UGT1A5: variants seen among roughly 807,000 people sequenced by gnomAD.
UGT1A5 encodes UDP-glucuronosyltransferase 1A5.
In UGT1A5, 29 loss-of-function variants were observed where a neutral mutation model predicts 40.3. That is an observed-to-expected ratio of 0.72 (90% confidence interval 0.54 to 0.98). The LOEUF (loss-of-function observed/expected upper bound fraction) is 0.98, where lower values mean the gene tolerates loss of function less well. Among genes scored for constraint, UGT1A5 ranks in the 50% least tolerant of loss-of-function variants. The pLI, the probability that UGT1A5 is intolerant of heterozygous loss-of-function variation, is 0.00. For synonymous variants in UGT1A5, 257 were observed against 262.5 expected, an observed-to-expected ratio of 0.98 and a Z score of 0.20; for missense variants, 678 against 677.9, an observed-to-expected ratio of 1.00 and a Z score of 0.00.
intron 1 of UGT1A5, among the ~76,000 whole-genome samples, chr2:233,727,549 C>T (rs1232390825): frequency 6.6e-6 from 1 of 152,198 alleles, no homozygotes; most frequent in Non-Finnish European, 1.5e-5. Context: ...CACCCGTCAC[C>T]TGGGCTCATC....
At chr2:233,729,785 T>C (rs767360644) in intron 1 of UGT1A5, 1 of 1,614,014 alleles carries the variant, frequency 6.2e-7, no homozygotes, top group Non-Finnish European at 8.5e-7. Flanking sequence ...CCTCTGGCCC[T>C]GTCCTACATT....
chr2:233,766,580 G>A (rs1699191238), intron 1 of UGT1A5, among the ~76,000 whole-genome samples: 1 of 152,180 alleles, frequency 6.6e-6, no homozygotes, highest in Admixed American at 6.5e-5. Context: ...AGGTCTGGGG[G>A]TGGAGCCCTC....
chr2:233,750,234 G>T (rs928737676), intron 1 of UGT1A5, among the ~76,000 whole-genome samples: 6 of 151,846 alleles, frequency 4.0e-5, no homozygotes, highest in African/African-American at 1.5e-4. Flanking sequence ...GGAACTTATT[G>T]GGAACTGGAA....
At chr2:233,720,203 G>C (rs1171500164) in intron 1 of UGT1A5, among the ~76,000 whole-genome samples, 1 of 152,178 alleles carries the variant, frequency 6.6e-6, no homozygotes, top group Non-Finnish European at 1.5e-5. Context: ...GGGCTGTGAA[G>C]GTGGGATGGA....
chr2:233,744,039 G>T, intron 1 of UGT1A5: 2 of 770,652 alleles, frequency 2.6e-6, no homozygotes, highest in Non-Finnish European at 3.6e-6. Context: ...TTATGACGCA[G>T]CCACATCTCA....
At chr2:233,719,370 G>A (rs1322563155) in intron 1 of UGT1A5, 5 of 1,613,830 alleles carry the variant, frequency 3.1e-6, no homozygotes, top group Non-Finnish European at 3.4e-6. Flanking sequence ...AGACTTTAAG[G>A]GCACACAGTG....
intron 1 of UGT1A5, among the ~76,000 whole-genome samples, chr2:233,759,532 G>GTTC (rs994787528): frequency 5.4e-4 from 82 of 152,192 alleles, no homozygotes; most frequent in African/African-American, 1.9e-3. Flanking sequence ...GAAGACTTCT[G>GTTC]TTCACATGCG....
chr2:233,752,593 T>C (rs896301003), intron 1 of UGT1A5: 3 of 152,046 alleles, frequency 2.0e-5, no homozygotes, highest in African/African-American at 7.2e-5. Flanking sequence ...CTCTACAAGA[T>C]TTTTTTTAAA....
chr2:233,727,966 G>A (rs1025938754), intron 1 of UGT1A5, among the ~76,000 whole-genome samples: 37 of 152,228 alleles, frequency 2.4e-4, no homozygotes, highest in African/African-American at 8.2e-4. Context: ...TCATCCTGAG[G>A]TGACCAGGAC....
Position 233,768,377 on chromosome 2 carries a change from T to A in UGT1A5, c.1245T>A (p.Asn415Lys), listed in dbSNP as rs763012065. The change falls in exon 4 of 5, where the codon AAT (asparagine) becomes AAA (lysine). Residue 415 changes from asparagine (N) to lysine (K), a missense_variant. Asn to Lys is a moderately conservative substitution (Grantham distance 94). Transcript: ENST00000373414. The part of the protein sequence containing the change: ...METKGAGVTL[N>K]VLEMTSEDLE... ...CTAAGGGAGCTGGAGTGACCCTGAA[T>A]GTTCTGGAAATGACTTCTGAAGATT... 1 of 1,614,172 alleles carries A rather than the reference T, an allele frequency of 6.2e-7. No individual in the cohort carries two copies. The highest frequency in any genetic ancestry group is 8.5e-7 in the Non-Finnish European group (1 of 1,180,050).
intron 1 of UGT1A5, chr2:233,742,938 A>G: frequency 4.7e-6 from 1 of 214,112 alleles, no homozygotes; most frequent in Admixed American, 5.3e-5. Context: ...ATTCTGTCCT[A>G]CCACTAGCAA....
chr2:233,725,049 TGGCGGCGCGCGCCTG>T (rs1559369977), intron 1 of UGT1A5, among the ~76,000 whole-genome samples: 1 of 147,424 alleles, frequency 6.8e-6, no homozygotes, highest in Non-Finnish European at 1.5e-5. Flanking sequence ...CAGTCAGGCG[TGGCGGCGCGCGCCTG>T]CAATCGCAGG....
chr2:233,726,251 G>A (rs1242406933), intron 1 of UGT1A5, among the ~76,000 whole-genome samples: 1 of 152,170 alleles, frequency 6.6e-6, no homozygotes, highest in African/African-American at 2.4e-5. Flanking sequence ...TGAAAAGCTG[G>A]GTGCAGTGGC....
At chr2:233,731,359 A>G (rs2078149638) in intron 1 of UGT1A5, among the ~76,000 whole-genome samples, 1 of 151,208 alleles carries the variant, frequency 6.6e-6, no homozygotes, top group Admixed American at 6.6e-5. Context: ...ATAGGTATAC[A>G]TGTGCCATGT....
intron 1 of UGT1A5, among the ~76,000 whole-genome samples, chr2:233,727,971 C>G (rs1256650182): frequency 6.6e-6 from 1 of 152,196 alleles, no homozygotes; most frequent in Non-Finnish European, 1.5e-5. Context: ...CTGAGGTGAC[C>G]AGGACAAGGT....
intron 1 of UGT1A5, among the ~76,000 whole-genome samples, chr2:233,734,811 T>G: frequency 6.6e-6 from 1 of 152,238 alleles, no homozygotes; most frequent in East Asian, 1.9e-4. Context: ...AGTTTCCATG[T>G]AGTTGTGCGA....
chr2:233,745,245 C>T (rs931474657), intron 1 of UGT1A5, among the ~76,000 whole-genome samples: 3 of 151,778 alleles, frequency 2.0e-5, no homozygotes, highest in African/African-American at 7.3e-5. Flanking sequence ...TTTACTGTAT[C>T]GAAACCATTA....
chr2:233,740,338 G>C (rs1156245808), intron 1 of UGT1A5, among the ~76,000 whole-genome samples: 2 of 151,948 alleles, frequency 1.3e-5, no homozygotes, highest in Admixed American at 1.3e-4. Context: ...TGAGAAAGTT[G>C]ATGAGAAAGT....
rs146169334 is a variant in UGT1A5 at position 233,742,180 on chromosome 2, T to C, written c.868-24854T>C. 6.3e-4 allele frequency among the ~76,000 whole-genome samples: 95 copies of C among 151,416 alleles called. 3 individuals carry two copies. The highest frequency in any genetic ancestry group is 2.3e-3 in the African/African-American group (94 of 40,990). On this transcript the variant is annotated intron_variant, in intron 1 of 4. Transcript: ENST00000373414. Reference sequence around the variant, plus strand: ...AAGACACACACACAGAAATATAGAGTGTGGAGTGGGAAATCAGGGGACTCA... The same window carrying C: ...AAGACACACACACAGAAATATAGAGCGTGGAGTGGGAAATCAGGGGACTCA...
Sources: allele counts gnomAD v4.1 joint callset (sites outside exome capture counted in the v4.1 genomes callset), GRCh38; gene constraint gnomAD v4.1.1; transcripts MANE v1.5; gene names NCBI Gene and HGNC (gene_info 2026-07-23, HGNC 2026-07-21).